Variants in RNGTT observed in about 807,000 individuals in gnomAD.
The protein encoded by RNGTT is RNA guanylyltransferase and 5'-phosphatase.
In RNGTT, 33 loss-of-function variants were observed where a neutral mutation model predicts 79.3. That is an observed-to-expected ratio of 0.42 (90% confidence interval 0.32 to 0.56). RNGTT has a LOEUF of 0.56. RNGTT is among the 20% of genes least tolerant of loss of function. RNGTT has a pLI of 0.17. For synonymous variants in RNGTT, 222 were observed against 235.9 expected, an observed-to-expected ratio of 0.94 and a Z score of 0.54; for missense variants, 497 against 739.1, an observed-to-expected ratio of 0.67 and a Z score of 3.80.
intron 4 of RNGTT, among the ~76,000 whole-genome samples, chr6:88,924,820 C>T (rs1387113157): frequency 6.6e-6 from 1 of 151,616 alleles, no homozygotes; most frequent in Non-Finnish European, 1.5e-5. Context: ...AACTCCTGGG[C>T]TCAAGCAGTC....
At chr6:88,825,216 A>G (rs1780619484) in intron 11 of RNGTT, among the ~76,000 whole-genome samples, 1 of 152,254 alleles carries the variant, frequency 6.6e-6, no homozygotes, top group South Asian at 2.1e-4. Context: ...TTAATAATTG[A>G]CACAATATCC....
At chr6:88,613,924 T>C (rs960088962) in intron 15 of RNGTT, among the ~76,000 whole-genome samples, 4 of 152,266 alleles carry the variant, frequency 2.6e-5, no homozygotes, top group African/African-American at 9.6e-5. Context: ...ATTTTGTCTT[T>C]TACCATCTGG....
intron 2 of RNGTT, among the ~76,000 whole-genome samples, chr6:88,939,431 C>T (rs1046149631): frequency 6.6e-6 from 1 of 152,030 alleles, no homozygotes; most frequent in African/African-American, 2.4e-5. Context: ...TCAATGAATT[C>T]TTCATTTCCT....
chr6:88,909,307 T>G (rs1165086960), intron 4 of RNGTT, among the ~76,000 whole-genome samples: 1 of 152,046 alleles, frequency 6.6e-6, no homozygotes, highest in Non-Finnish European at 1.5e-5. Flanking sequence ...GTGCAAGTTG[T>G]GAGGGCCACA....
At chr6:88,662,636 T>C (rs1441551082) in intron 14 of RNGTT, among the ~76,000 whole-genome samples, 1 of 152,232 alleles carries the variant, frequency 6.6e-6, no homozygotes, top group African/African-American at 2.4e-5. Flanking sequence ...TAGTGGACAG[T>C]TGAGGCAGCC....
rs1021269013 is a variant in RNGTT, at chr6:88,963,491, C to G, written c.-82G>C. On this transcript the variant is annotated 5_prime_UTR_variant, in exon 1 of 16. Transcript: ENST00000369485. ...CCGCCTCCCCGTGGTCCGGTGCACA[C>G]CGGGGTCCGAGACACCCGAATCGCA... is the stretch of plus-strand genomic sequence containing the variant. The G allele has an allele frequency of 7.4e-7, 1 of 1,356,528 alleles. No individual in the cohort carries two copies. Among genetic ancestry groups the G allele is most frequent in the African/African-American group, 1.5e-5 (1 of 66,842 alleles). 84.0% of individuals were successfully genotyped at this position (1,356,528 alleles called of 1,614,324 possible).
rs1482723230 is a variant in RNGTT at position 88,774,691 on chromosome 6, T to C, written c.1339-4817A>G. 2.6e-5 allele frequency among the ~76,000 whole-genome samples: 4 copies of C among 152,186 alleles called. No homozygotes were observed. The East Asian group carries it at 7.7e-4, about 29-fold the overall frequency. Reference sequence around the variant, plus strand: ...AAACGGATGAACCTCAAAAGCATTATGCTAAGCGAAATAAGCCAGACACAA... The same window carrying C: ...AAACGGATGAACCTCAAAAGCATTACGCTAAGCGAAATAAGCCAGACACAA... On this transcript the variant is annotated intron_variant, in intron 12 of 15. Transcript: ENST00000369485.
chr6:88,839,525 GCA>G (rs1340417142), intron 11 of RNGTT, among the ~76,000 whole-genome samples: 2 of 151,878 alleles, frequency 1.3e-5, no homozygotes, highest in Non-Finnish European at 2.9e-5. Context: ...AGCCATGATC[GCA>G]CCACTGCACT....
intron 8 of RNGTT, among the ~76,000 whole-genome samples, chr6:88,877,378 C>T (rs9444652): frequency 0.034 from 5,196 of 152,208 alleles, 314 homozygotes; most frequent in African/African-American, 0.12. Flanking sequence ...AAATTTTGTT[C>T]CATGAGGCAC....
At chr6:88,901,248 C>T (rs1026774730) in intron 6 of RNGTT, among the ~76,000 whole-genome samples, 2 of 151,476 alleles carry the variant, frequency 1.3e-5, no homozygotes, top group Non-Finnish European at 2.9e-5. Flanking sequence ...AGATAACAGC[C>T]AAAAATTGTC....
chr6:88,935,725 G>T (rs1784646223), intron 2 of RNGTT, among the ~76,000 whole-genome samples: 1 of 152,058 alleles, frequency 6.6e-6, no homozygotes, highest in African/African-American at 2.4e-5. Context: ...CTATTTGTTT[G>T]TGTTCCATTC....
intron 7 of RNGTT, among the ~76,000 whole-genome samples, chr6:88,891,158 TTTTAG>T (rs1436911553): frequency 3.1e-4 from 47 of 152,316 alleles, no homozygotes; most frequent in African/African-American, 1.1e-3. Flanking sequence ...TGTTTTCATA[TTTTAG>T]TTAAAACTAC....
chr6:88,896,609 G>A (rs1164486498), intron 6 of RNGTT, among the ~76,000 whole-genome samples: 1 of 152,150 alleles, frequency 6.6e-6, no homozygotes, highest in African/African-American at 2.4e-5. Context: ...TAACTTTCCA[G>A]GTCCAGGTTC....
chr6:88,804,427 G>A (rs1277165416), intron 11 of RNGTT, among the ~76,000 whole-genome samples: 2 of 152,120 alleles, frequency 1.3e-5, no homozygotes, highest in Non-Finnish European at 2.9e-5. Context: ...GGGACTGCCT[G>A]AGGCCAGGAG....
At chr6:88,634,651 T>C (rs1015563422) in intron 14 of RNGTT, among the ~76,000 whole-genome samples, 4 of 152,130 alleles carry the variant, frequency 2.6e-5, no homozygotes, top group African/African-American at 9.6e-5. Flanking sequence ...AATAGCCTAC[T>C]GATAAGACCA....
intron 14 of RNGTT, among the ~76,000 whole-genome samples, chr6:88,632,707 C>G (rs1772946104): frequency 6.7e-6 from 1 of 149,176 alleles, no homozygotes; most frequent in African/African-American, 2.5e-5. Flanking sequence ...AACCAACCAT[C>G]AAAGTCAGGG....
At chr6:88,892,679 T>C (rs1158334388) in intron 6 of RNGTT, among the ~76,000 whole-genome samples, 1 of 152,038 alleles carries the variant, frequency 6.6e-6, no homozygotes, top group African/African-American at 2.4e-5. Context: ...TATGCTACAG[T>C]TCTTTTAAGG....
chr6:88,898,345 C>A (rs934839909), intron 6 of RNGTT, among the ~76,000 whole-genome samples: 5 of 152,028 alleles, frequency 3.3e-5, no homozygotes, highest in African/African-American at 1.2e-4. Context: ...TCATATTTTA[C>A]ATTTCTTTTG....
At chr6:88,865,489 C>A (rs1170368627) in intron 8 of RNGTT, among the ~76,000 whole-genome samples, 1 of 152,076 alleles carries the variant, frequency 6.6e-6, no homozygotes, top group Non-Finnish European at 1.5e-5. Context: ...AAATGAATCA[C>A]AGGTAACTCT....
Sources: allele counts gnomAD v4.1 joint callset (sites outside exome capture counted in the v4.1 genomes callset), GRCh38; gene constraint gnomAD v4.1.1; transcripts MANE v1.5; gene names NCBI Gene and HGNC (gene_info 2026-07-23, HGNC 2026-07-21).